Variants in TTC27 observed in about 807,000 individuals in gnomAD.
TTC27 encodes tetratricopeptide repeat domain 27, also known as tetratricopeptide repeat protein 27.
Under a neutral mutation model 115.9 loss-of-function variants are expected in TTC27, and 79 were observed. The observed-to-expected ratio is 0.68, with a 90% CI of 0.57 to 0.82. The LOEUF (loss-of-function observed/expected upper bound fraction) is 0.82. Ranked by LOEUF, TTC27 falls within the 40% of genes least tolerant of loss-of-function variation. The pLI, the probability that TTC27 is intolerant of heterozygous loss-of-function variation, is 0.00. For synonymous variants in TTC27, 401 were observed against 356.0 expected (o/e 1.13, Z -1.42); for missense variants, 1,054 against 993.1 (o/e 1.06, Z -0.82).
At chr2:32,633,092 T>A (rs1313462400) in intron 2 of TTC27, among the ~76,000 whole-genome samples, 1 of 152,242 alleles carries the variant, frequency 6.6e-6, no homozygotes, top group Non-Finnish European at 1.5e-5. Flanking sequence ...GCAACAACTT[T>A]ATATCATCAC....
At chr2:32,639,334 TAAC>T (rs1244884687) in intron 3 of TTC27, among the ~76,000 whole-genome samples, 6 of 152,296 alleles carry the variant, frequency 3.9e-5, no homozygotes, top group African/African-American at 1.4e-4. Context: ...ATCCAAATTT[TAAC>T]AACCTTGTCC....
At chr2:32,704,762 T>C in intron 10 of TTC27, 1 of 428,332 alleles carries the variant, frequency 2.3e-6, no homozygotes, top group Non-Finnish European at 4.9e-6. Flanking sequence ...AGACTGCCCT[T>C]CAGTTTGAGT....
In TTC27 at chr2:32,678,874, T is replaced by TA; in HGVS notation, c.1073dup (p.Asn358LysfsTer8). ...TTTAAAGCACTAATTTTCAAAAGAA[T>TA]AACCCAGTGCACACATTAACTGAAG... is the stretch of plus-strand genomic sequence containing the variant. On this transcript the variant is annotated frameshift_variant, in exon 9 of 20. Transcript: ENST00000317907. LOFTEE classifies it high-confidence loss of function. 6.2e-7 allele frequency: 1 copy of TA among 1,611,960 alleles called. No homozygotes were observed. Among genetic ancestry groups the TA allele is most frequent in the Non-Finnish European group, 8.5e-7 (1 of 1,178,834 alleles).
chr2:32,767,212 A>G (rs1669659461), intron 13 of TTC27, among the ~76,000 whole-genome samples: 1 of 152,186 alleles, frequency 6.6e-6, no homozygotes, highest in Non-Finnish European at 1.5e-5. Flanking sequence ...ATCAGTAATA[A>G]TTTGTAAGAA....
At chr2:32,764,016 A>G (rs1669536471) in intron 13 of TTC27, among the ~76,000 whole-genome samples, 1 of 152,226 alleles carries the variant, frequency 6.6e-6, no homozygotes, top group African/African-American at 2.4e-5. Context: ...AAATGTAAAA[A>G]CCAAAGAAAT....
At chr2:32,738,981 G>C (rs1668537476) in intron 12 of TTC27, among the ~76,000 whole-genome samples, 1 of 152,136 alleles carries the variant, frequency 6.6e-6, no homozygotes, top group Non-Finnish European at 1.5e-5. Flanking sequence ...CAAACAAGAG[G>C]CATTAGATTA....
intron 4 of TTC27, among the ~76,000 whole-genome samples, chr2:32,647,178 C>T (rs76628151): frequency 0.072 from 10,969 of 151,898 alleles, 484 homozygotes; most frequent in Middle Eastern, 0.13. Flanking sequence ...AATTTATGGC[C>T]TCAAGTGAGC....
chr2:32,801,051 A>G (rs1400425982), intron 16 of TTC27, among the ~76,000 whole-genome samples: 1 of 152,236 alleles, frequency 6.6e-6, no homozygotes, highest in Non-Finnish European at 1.5e-5. Flanking sequence ...AGCCATAGTA[A>G]GGGTAGGCTG....
chr2:32,668,058 G>A (rs1393471539), intron 7 of TTC27, among the ~76,000 whole-genome samples: 3 of 151,896 alleles, frequency 2.0e-5, no homozygotes, highest in African/African-American at 7.2e-5. Context: ...GGGCGTGGTG[G>A]CGGGTGCCTG....
chr2:32,805,868 G>A (rs1671113785), intron 16 of TTC27, among the ~76,000 whole-genome samples: 1 of 152,172 alleles, frequency 6.6e-6, no homozygotes, highest in Admixed American at 6.5e-5. Context: ...GCTCATTACT[G>A]CTATTTACCA....
chr2:32,774,928 A>T (rs1483688419), intron 13 of TTC27, among the ~76,000 whole-genome samples: 1 of 152,226 alleles, frequency 6.6e-6, no homozygotes, highest in Non-Finnish European at 1.5e-5. Context: ...TGCAAAAATA[A>T]CCAAGAGTAA....
At chr2:32,749,520 C>T (rs916897180) in intron 12 of TTC27, among the ~76,000 whole-genome samples, 40 of 152,280 alleles carry the variant, frequency 2.6e-4, no homozygotes, top group South Asian at 4.1e-4. Context: ...TAAATGCTTC[C>T]TGTATTATTG....
chr2:32,689,362 C>G (rs980920982), intron 9 of TTC27, among the ~76,000 whole-genome samples: 2 of 152,080 alleles, frequency 1.3e-5, no homozygotes, highest in Non-Finnish European at 2.9e-5. Context: ...TTATTTAGAG[C>G]TATACTATTT....
At chr2:32,633,730 A>T (rs1471878992) in intron 2 of TTC27, 146 bp from the exon 3 acceptor site, 10 of 810,726 alleles carry the variant, frequency 1.2e-5, no homozygotes, top group East Asian at 3.7e-5. Flanking sequence ...AGTTTTAGAA[A>T]TTTTTTTTTT....
intron 11 of TTC27, among the ~76,000 whole-genome samples, chr2:32,736,236 T>C (rs1298773882): frequency 6.6e-6 from 1 of 152,162 alleles, no homozygotes; most frequent in East Asian, 1.9e-4. Flanking sequence ...TAAATCTAAG[T>C]AGCTTTGAGT....
intron 19 of TTC27, among the ~76,000 whole-genome samples, chr2:32,819,192 A>G (rs558286096): frequency 6.6e-6 from 1 of 152,302 alleles, no homozygotes; most frequent in African/African-American, 2.4e-5. Flanking sequence ...ACTTTATGTA[A>G]TCTATACTTG....
intron 12 of TTC27, among the ~76,000 whole-genome samples, chr2:32,738,356 C>T (rs908228718): frequency 2.6e-5 from 4 of 152,158 alleles, no homozygotes; most frequent in Admixed American, 1.3e-4. Context: ...ATGTAAAGTA[C>T]GTACTCTAGT....
intron 10 of TTC27, among the ~76,000 whole-genome samples, chr2:32,710,534 A>G (rs1482126582): frequency 6.7e-6 from 1 of 149,930 alleles, no homozygotes; most frequent in Non-Finnish European, 1.5e-5. Context: ...GGTTCAACCA[A>G]TTCTCCTACC....
At chr2:32,748,258 A>G (rs1228534660) in intron 12 of TTC27, among the ~76,000 whole-genome samples, 1 of 151,986 alleles carries the variant, frequency 6.6e-6, no homozygotes, top group Non-Finnish European at 1.5e-5. Flanking sequence ...TCCTTTTGTT[A>G]TTGATTTTGA....
Sources: gnomAD v4.1 joint callset for allele counts (sites outside exome capture counted in the v4.1 genomes callset) on GRCh38, gnomAD v4.1.1 for gene constraint, MANE v1.5 for transcripts, NCBI Gene and HGNC (gene_info 2026-07-23, HGNC 2026-07-21) for gene names.